SP140: variants seen among roughly 807,000 people sequenced by gnomAD.
SP140 encodes the protein SP140 nuclear body protein.
In SP140, 81 loss-of-function variants were observed where a neutral mutation model predicts 125.0. The observed-to-expected ratio is 0.65, with a 90% CI of 0.54 to 0.78. The LOEUF is 0.78. Ranked by LOEUF, SP140 falls within the 30% of genes least tolerant of loss-of-function variation. The pLI, the probability that SP140 is intolerant of heterozygous loss-of-function variation, is 0.00. For missense variants in SP140, 858 were observed against 1,037.0 expected (o/e 0.83, Z 2.37); for synonymous variants, 312 against 354.0 (o/e 0.88, Z 1.33).
intron 17 of SP140, 21 bp from the exon 18 acceptor site, chr2:230,287,871 T>C: frequency 6.3e-7 from 1 of 1,592,042 alleles, no homozygotes; most frequent in South Asian, 1.1e-5. Context: ...TGACTGTGAT[T>C]ATATTATTCT....
chr2:230,266,048 A>G (rs1035364310), intron 12 of SP140, among the ~76,000 whole-genome samples: 5 of 152,186 alleles, frequency 3.3e-5, no homozygotes, highest in African/African-American at 1.2e-4. Flanking sequence ...AATGGCCCCA[A>G]GATATTTGGG....
intron 15 of SP140, among the ~76,000 whole-genome samples, chr2:230,278,105 T>C (rs1163725417): frequency 1.3e-5 from 2 of 152,152 alleles, no homozygotes; most frequent in Non-Finnish European, 2.9e-5. Context: ...ACTTAGAGCA[T>C]ACAAGAGTTC....
chr2:230,292,499 C>A (rs937381760), intron 19 of SP140, 147 bp from the exon 20 acceptor site: 5 of 1,035,334 alleles, frequency 4.8e-6, no homozygotes, highest in Non-Finnish European at 7.1e-6. Flanking sequence ...GGATTTGGGG[C>A]CTCTGTAGTC....
intron 3 of SP140, chr2:230,239,139 A>C (rs1389669675): frequency 4.3e-6 from 4 of 929,220 alleles, no homozygotes; most frequent in Non-Finnish European, 5.7e-6. Context: ...ACCTTGATTC[A>C]AAAAAGAGGT....
downstream of SP140, among the ~76,000 whole-genome samples, chr2:230,314,917 C>A (rs983714743): frequency 2.0e-5 from 3 of 152,176 alleles, no homozygotes; most frequent in South Asian, 2.1e-4. Flanking sequence ...AGAGTTCCAG[C>A]ATAACAGAGG....
At chr2:230,280,149 G>A (rs561896160) in intron 15 of SP140, among the ~76,000 whole-genome samples, 2 of 152,030 alleles carry the variant, frequency 1.3e-5, no homozygotes, top group African/African-American at 4.8e-5. Context: ...CTTGCACATG[G>A]TTGTATATTT....
chr2:230,269,542 A>C lies in SP140; in HGVS notation c.1251A>C (p.Glu417Asp). ...CTTGTTTCTCATTAGTGTCTAGTGAACTAGAAAATCACCCAATGAATGAAG... is the reference window on the plus strand; with the variant it reads ...CTTGTTTCTCATTAGTGTCTAGTGACCTAGAAAATCACCCAATGAATGAAG... The part of the protein sequence containing the change: ...SLARRGSVSS[E>D]LENHPMNEEG... Residue 417 changes from glutamate (E) to aspartate (D), a missense_variant, in exon 13 of 27, where the codon GAA becomes GAC. This residue lies in a region of SP140 where 791 missense variants were observed against 869.5 expected (regional missense o/e 0.91). Transcript: ENST00000392045. 1.9e-6 allele frequency: 3 copies of C among 1,603,394 alleles called. No homozygotes were observed. The highest frequency in any genetic ancestry group is 2.6e-6 in the Non-Finnish European group (3 of 1,170,534).
chr2:230,240,786 T>C (rs145408419), intron 3 of SP140, among the ~76,000 whole-genome samples: 1 of 152,178 alleles, frequency 6.6e-6, no homozygotes, highest in African/African-American at 2.4e-5. Flanking sequence ...CCTATGATCT[T>C]GGCAGTTTCA....
intron 1 of SP140, among the ~76,000 whole-genome samples, chr2:230,236,876 G>A (rs1238479240): frequency 2.6e-5 from 4 of 152,072 alleles, no homozygotes; most frequent in Non-Finnish European, 4.4e-5. Flanking sequence ...CTATGTACAG[G>A]TCTTTCTTAA....
At chr2:230,254,979 TATCCCAGGA>T (rs1386632963) in intron 11 of SP140, among the ~76,000 whole-genome samples, 3 of 152,136 alleles carry the variant, frequency 2.0e-5, no homozygotes, top group African/African-American at 7.2e-5. Flanking sequence ...TCATTTCCAC[TATCCCAGGA>T]ATGCCTTTCC....
At chr2:230,268,894 C>T (rs1379926270) in intron 12 of SP140, among the ~76,000 whole-genome samples, 3 of 152,160 alleles carry the variant, frequency 2.0e-5, no homozygotes, top group African/African-American at 7.2e-5. Context: ...AAGGGCTAGG[C>T]TACTACTCAT....
chr2:230,306,664 G>T (rs1210067702), intron 22 of SP140, among the ~76,000 whole-genome samples: 1 of 152,272 alleles, frequency 6.6e-6, no homozygotes, highest in African/African-American at 2.4e-5. Flanking sequence ...CAGCCCTGTT[G>T]GGTGTGCACA....
chr2:230,228,663 T>C (rs2046809995), intron 1 of SP140, among the ~76,000 whole-genome samples: 1 of 152,186 alleles, frequency 6.6e-6, no homozygotes, highest in Non-Finnish European at 1.5e-5. Context: ...CCCTGACAAT[T>C]TTCCTTGTTC....
chr2:230,276,256 A>G (rs916269992), intron 15 of SP140, among the ~76,000 whole-genome samples: 1 of 152,196 alleles, frequency 6.6e-6, no homozygotes, highest in Non-Finnish European at 1.5e-5. Context: ...TCCACAGAAC[A>G]GGCTGAGTCT....
At chr2:230,204,734 G>T (rs975350378) in intron 1 of SP140, among the ~76,000 whole-genome samples, 2 of 152,098 alleles carry the variant, frequency 1.3e-5, no homozygotes, top group Admixed American at 6.5e-5. Flanking sequence ...CCAGTGCTGG[G>T]TGCTGTAGAA....
chr2:230,238,658 T>A (rs2048307724), intron 3 of SP140: 2 of 990,372 alleles, frequency 2.0e-6, no homozygotes, highest in East Asian at 5.2e-5. Flanking sequence ...AGTCTCTATT[T>A]TTTTGAAGGA....
chr2:230,222,331 A>G (rs1332466071), upstream of SP140, among the ~76,000 whole-genome samples: 1 of 152,112 alleles, frequency 6.6e-6, no homozygotes, highest in Non-Finnish European at 1.5e-5. Context: ...GATAAATTAT[A>G]CATAATTCTT....
At chr2:230,234,673 A>G (rs1232389989) in intron 1 of SP140, among the ~76,000 whole-genome samples, 3 of 151,960 alleles carry the variant, frequency 2.0e-5, no homozygotes, top group East Asian at 1.9e-4. Context: ...GCTTTTCCCC[A>G]TATGTTCTGG....
chr2:230,289,070 T>C lies in SP140; in HGVS notation c.1720+1104T>C, dbSNP rs753192854. Reference sequence around the variant, plus strand: ...TGTCTTCCATAACGGTTGAACTAATTTACACTGCAACCAACAGTGTTAAAG... The same window carrying C: ...TGTCTTCCATAACGGTTGAACTAATCTACACTGCAACCAACAGTGTTAAAG... On this transcript the variant is annotated intron_variant, in intron 18 of 26. Coordinates refer to ENST00000392045, the MANE Select transcript of SP140 (RefSeq NM_007237.5). Among the ~76,000 whole-genome samples, 222 of 152,342 alleles carry C rather than the reference T, an allele frequency of 1.5e-3. 3 individuals carry two copies. The highest frequency in any genetic ancestry group is 3.4e-3 in the Middle Eastern group (1 of 294).
Sources: allele counts gnomAD v4.1 joint callset (sites outside exome capture counted in the v4.1 genomes callset), GRCh38; gene constraint gnomAD v4.1.1; regional missense constraint gnomAD v4.1.1; transcripts MANE v1.5; gene names NCBI Gene and HGNC (gene_info 2026-07-23, HGNC 2026-07-21).